OR2L13: variants seen among roughly 807,000 people sequenced by gnomAD.
OR2L13 encodes olfactory receptor 2L13.
Under a neutral mutation model 15.3 loss-of-function variants are expected in OR2L13, and 14 were observed. That is an observed-to-expected ratio of 0.91 (90% CI 0.60 to 1.43). The LOEUF (loss-of-function observed/expected upper bound fraction) is 1.43. Among genes scored for constraint, OR2L13 ranks in the 40% most tolerant of loss-of-function variants. The pLI, the probability that OR2L13 is intolerant of heterozygous loss-of-function variation, is 0.00. For synonymous variants in OR2L13, 152 were observed against 142.9 expected, an observed-to-expected ratio of 1.06 and a Z score of -0.45; for missense variants, 367 against 387.9, an observed-to-expected ratio of 0.95 and a Z score of 0.45.
the OR2L13 span, among the ~76,000 whole-genome samples, chr1:248,026,984 G>C: frequency 3.3e-5 from 5 of 152,220 alleles, no homozygotes; most frequent in African/African-American, 9.6e-5. Context: ...CAGGGAACAA[G>C]GGAGATAACC....
the OR2L13 span, among the ~76,000 whole-genome samples, chr1:247,986,352 C>G: frequency 6.6e-6 from 1 of 152,106 alleles, no homozygotes. Context: ...TTCCCCGCAC[C>G]ATTTATTAAA....
At chr1:247,992,869 T>TTG in the OR2L13 span, among the ~76,000 whole-genome samples, 197 of 151,314 alleles carry the variant, frequency 1.3e-3, no homozygotes, top group South Asian at 0.015. Context: ...TAGAATGATT[T>TTG]TGTGTGTGTG....
chr1:248,081,394 G>A, the OR2L13 span, among the ~76,000 whole-genome samples: 3 of 151,984 alleles, frequency 2.0e-5, no homozygotes, highest in African/African-American at 7.2e-5. Flanking sequence ...CGTTTTTGTT[G>A]TTGTCGTCGT....
At chr1:248,076,816 T>C in the OR2L13 span, among the ~76,000 whole-genome samples, 21 of 152,342 alleles carry the variant, frequency 1.4e-4, no homozygotes, top group Non-Finnish European at 2.5e-4. Context: ...CCTCATTTCC[T>C]AATTGCATAC....
the OR2L13 span, among the ~76,000 whole-genome samples, chr1:248,028,603 AATAAAACAAGTTG>A: frequency 6.6e-6 from 1 of 152,214 alleles, no homozygotes; most frequent in African/African-American, 2.4e-5. Flanking sequence ...CTTCTTTCAG[AATAAAACAAGTTG>A]TGGCCTACGA....
At chr1:248,003,304 G>A in the OR2L13 span, 5 of 1,584,530 alleles carry the variant, frequency 3.2e-6, no homozygotes, top group Non-Finnish European at 3.5e-6. Flanking sequence ...ACACACCCAT[G>A]TGTTTCCTAC....
the OR2L13 span, among the ~76,000 whole-genome samples, chr1:248,048,784 A>G: frequency 1.3e-5 from 2 of 152,208 alleles, no homozygotes; most frequent in South Asian, 4.1e-4. Flanking sequence ...CAGGAAGTAA[A>G]CCAGATTCTG....
upstream of OR2L13, chr1:248,095,392 A>G (rs1032007779): frequency 1.3e-5 from 2 of 152,154 alleles, no homozygotes; most frequent in African/African-American, 2.4e-5. Flanking sequence ...AATGAATATT[A>G]TAAAGTGTTA....
the OR2L13 span, among the ~76,000 whole-genome samples, chr1:247,978,074 G>A: frequency 1.3e-5 from 2 of 152,224 alleles, no homozygotes; most frequent in East Asian, 3.9e-4. Flanking sequence ...AAAATTTTGT[G>A]TCTTACAAGA....
chr1:248,002,262 A>G, the OR2L13 span, among the ~76,000 whole-genome samples: 1 of 152,186 alleles, frequency 6.6e-6, no homozygotes, highest in African/African-American at 2.4e-5. Flanking sequence ...TATTAGGGCA[A>G]ATATACATAA....
chr1:247,948,132 G>A, the OR2L13 span, among the ~76,000 whole-genome samples: 1 of 152,054 alleles, frequency 6.6e-6, no homozygotes, highest in African/African-American at 2.4e-5. Flanking sequence ...AGGATCACTT[G>A]AGCCCAGAAG....
the OR2L13 span, among the ~76,000 whole-genome samples, chr1:247,976,742 T>A: frequency 2.6e-5 from 4 of 152,212 alleles, no homozygotes. Flanking sequence ...TGTGATTCTC[T>A]CCACTGGCTA....
At chr1:247,985,906 T>G in the OR2L13 span, among the ~76,000 whole-genome samples, 1 of 152,246 alleles carries the variant, frequency 6.6e-6, no homozygotes. Flanking sequence ...CATAAATGTC[T>G]TCTTTTGAGA....
the OR2L13 span, among the ~76,000 whole-genome samples, chr1:248,015,183 C>A: frequency 6.6e-6 from 1 of 152,148 alleles, no homozygotes; most frequent in East Asian, 1.9e-4. Context: ...CCCTTCTCAA[C>A]AATTAAAAAT....
the OR2L13 span, among the ~76,000 whole-genome samples, chr1:247,950,234 T>C: frequency 1.3e-5 from 2 of 152,182 alleles, no homozygotes; most frequent in South Asian, 4.1e-4. Context: ...CTGTTTCTTA[T>C]CTTAGACACT....
At chr1:247,955,055 G>A in the OR2L13 span, among the ~76,000 whole-genome samples, 24 of 151,806 alleles carry the variant, frequency 1.6e-4, no homozygotes, top group Non-Finnish European at 2.5e-4. Flanking sequence ...CCATTAACTC[G>A]TCATTTAACA....
At chr1:247,958,960 T>G in the OR2L13 span, among the ~76,000 whole-genome samples, 4,863 of 152,300 alleles carry the variant, frequency 0.032, 246 homozygotes, top group African/African-American at 0.11. Flanking sequence ...TTAATATTGT[T>G]ATGTGTGAAT....
the OR2L13 span, among the ~76,000 whole-genome samples, chr1:248,011,508 TG>T: frequency 6.6e-6 from 1 of 152,160 alleles, no homozygotes; most frequent in Non-Finnish European, 1.5e-5. Flanking sequence ...CTTGATAGGT[TG>T]GGGAAGTTCT....
chr1:248,060,542 A>G, the OR2L13 span: 1 of 666,350 alleles, frequency 1.5e-6, no homozygotes, highest in Non-Finnish European at 2.7e-6. Context: ...AGAAAATAAT[A>G]GTGTATATAG....
Sources: gnomAD v4.1 joint callset for allele counts (sites outside exome capture counted in the v4.1 genomes callset) on GRCh38, gnomAD v4.1.1 for gene constraint, MANE v1.5 for transcripts, NCBI Gene and HGNC (gene_info 2026-07-23, HGNC 2026-07-21) for gene names.